VAV1: variants seen among roughly 807,000 people sequenced by gnomAD.
The protein encoded by VAV1 is vav guanine nucleotide exchange factor 1, also known as proto-oncogene vav.
VAV1 carries 33 observed loss-of-function variants against 128.1 expected under a neutral mutation model. That is an observed-to-expected ratio of 0.26 (90% CI 0.20 to 0.34). The LOEUF is 0.34. VAV1 is among the 10% of genes least tolerant of loss of function. The pLI, the probability that VAV1 is intolerant of heterozygous loss-of-function variation, is 1.00. For synonymous variants in VAV1, 394 were observed against 409.8 expected (o/e 0.96, Z 0.47); for missense variants, 715 against 1,093.7 (o/e 0.65, Z 4.88).
chr19:6,832,367 T>C (rs190173684), intron 15 of VAV1, among the ~76,000 whole-genome samples, 167 bp downstream of exon 15: 39 of 152,256 alleles, frequency 2.6e-4, no homozygotes, highest in Admixed American at 2.2e-3. Context: ...TCTTCATCCT[T>C]GGAATGCAGG....
intron 22 of VAV1, among the ~76,000 whole-genome samples, chr19:6,847,230 T>C (rs973971387): frequency 3.9e-5 from 6 of 152,074 alleles, no homozygotes; most frequent in Non-Finnish European, 8.8e-5. Context: ...TTGGTATATT[T>C]GCAATACTGC....
chr19:6,803,236 G>A (rs897995551), intron 1 of VAV1, among the ~76,000 whole-genome samples: 5 of 152,170 alleles, frequency 3.3e-5, no homozygotes, highest in Admixed American at 6.5e-5. Flanking sequence ...CTGTGAGCCC[G>A]GAGTAATCAG....
Position 6,821,629 on chromosome 19 carries a change from A to T in VAV1, c.329A>T (p.Tyr110Phe), listed in dbSNP as rs750986727. 1.9e-6 allele frequency: 3 copies of T among 1,614,086 alleles called. No homozygotes were observed. In the South Asian group the frequency reaches 3.3e-5, roughly 18 times the overall value. Reference sequence around the variant, plus strand: ...GCCACTGCCCCGTCACAGGTCATCTACACCCTGTCTGCTCTGTCCTGGACC... The same window carrying T: ...GCCACTGCCCCGTCACAGGTCATCTTCACCCTGTCTGCTCTGTCCTGGACC... ...FDVQDFGKVI[Y>F]TLSALSWTPI... The change falls in exon 3 of 27, where the codon TAC becomes TTC. Residue 110 changes from tyrosine (Y) to phenylalanine (F), a missense_variant. Physicochemically the swap from Tyr to Phe is conservative, Grantham distance 22 (BLOSUM62 3). Coordinates refer to ENST00000602142, the MANE Select transcript of VAV1 (RefSeq NM_005428.4).
chr19:6,851,926 A>T (rs889150263), intron 24 of VAV1, among the ~76,000 whole-genome samples: 11 of 152,104 alleles, frequency 7.2e-5, no homozygotes, highest in Admixed American at 2.0e-4. Flanking sequence ...ATTCTGAAAC[A>T]TATTCCCCCA....
In VAV1 at chr19:6,826,758, G is replaced by A. The variant is rs1385716600; in HGVS notation, c.927+47G>A. On this transcript the variant is annotated intron_variant, in intron 9 of 26. Transcript: ENST00000602142. The surrounding 1 kb of genome is among the most constrained non-coding windows in gnomAD (Gnocchi z 4.1). Reference sequence around the variant, plus strand: ...GGGGGCCTCTCCCGCTCCTCCCCAGGCCCTGGGGGCAGCAGGGAGGACACT... The same window carrying A: ...GGGGGCCTCTCCCGCTCCTCCCCAGACCCTGGGGGCAGCAGGGAGGACACT... 10 of 1,438,208 alleles carry A rather than the reference G, an allele frequency of 7.0e-6. No individual in the cohort carries two copies. The highest frequency in any genetic ancestry group is 8.5e-6 in the Non-Finnish European group (9 of 1,057,320). The allele number at this position is 1,438,208 out of a possible 1,614,324, so 89.1% of individuals were successfully genotyped here. A position where few individuals can be genotyped will look rare whatever the true frequency, so the allele number is the denominator to read the frequency against.
intron 1 of VAV1, among the ~76,000 whole-genome samples, chr19:6,819,279 GA>G (rs1349537921): frequency 6.6e-6 from 1 of 151,904 alleles, no homozygotes; most frequent in Non-Finnish European, 1.5e-5. Context: ...GCCTTTATAG[GA>G]ACATATGAAT....
intron 1 of VAV1, among the ~76,000 whole-genome samples, chr19:6,806,146 G>C (rs1289380826): frequency 6.6e-6 from 1 of 152,112 alleles, no homozygotes; most frequent in Non-Finnish European, 1.5e-5. Context: ...GAGTACAGTG[G>C]CACGATCTCG....
At chr19:6,776,077 T>TCCATCC (rs1970615090) in intron 1 of VAV1, among the ~76,000 whole-genome samples, 1 of 129,148 alleles carries the variant, frequency 7.7e-6, no homozygotes, top group African/African-American at 3.0e-5. Context: ...TCCATCCATT[T>TCCATCC]ATCCATCCAT....
chr19:6,812,410 T>A (rs1971533425), intron 1 of VAV1, among the ~76,000 whole-genome samples: 1 of 152,184 alleles, frequency 6.6e-6, no homozygotes, highest in South Asian at 2.1e-4. Flanking sequence ...ATCCCAGCAC[T>A]TTGGGAGGCC....
intron 1 of VAV1, among the ~76,000 whole-genome samples, chr19:6,805,027 C>T (rs969448709): frequency 2.6e-5 from 4 of 151,906 alleles, no homozygotes; most frequent in African/African-American, 7.2e-5. Context: ...CACCGCCCCC[C>T]GGCCCATACC....
At chr19:6,788,271 G>A (rs1442989616) in intron 1 of VAV1, among the ~76,000 whole-genome samples, 1 of 151,872 alleles carries the variant, frequency 6.6e-6, no homozygotes, top group African/African-American at 2.4e-5. Flanking sequence ...TGAGTTCGAT[G>A]GAAAATAGGG....
intron 26 of VAV1, among the ~76,000 whole-genome samples, chr19:6,854,500 G>A (rs1972747347): frequency 6.6e-6 from 1 of 151,968 alleles, no homozygotes; most frequent in African/African-American, 2.4e-5. Flanking sequence ...ATCTCTTGAG[G>A]CCACAAATTC....
At chr19:6,825,460 C>A in intron 8 of VAV1, 54 bp downstream of exon 8, 2 of 1,501,970 alleles carry the variant, frequency 1.3e-6, no homozygotes, top group Non-Finnish European at 1.8e-6. Flanking sequence ...CTTGCCTAGG[C>A]TGGGCATCTG....
At chr19:6,850,230 T>G (rs868371197) in intron 23 of VAV1, among the ~76,000 whole-genome samples, 10 of 130,802 alleles carry the variant, frequency 7.6e-5, no homozygotes, top group African/African-American at 3.0e-4. Flanking sequence ...TCTTTGTTTT[T>G]TTTTTTTTTT....
intron 1 of VAV1, among the ~76,000 whole-genome samples, chr19:6,806,932 C>T (rs1568295611): frequency 6.6e-6 from 1 of 152,232 alleles, no homozygotes; most frequent in Non-Finnish European, 1.5e-5. Context: ...TTTCTGCTCT[C>T]ATGGTGATCC....
intron 18 of VAV1, 71 bp downstream of exon 18, chr19:6,833,804 T>C: frequency 6.2e-7 from 1 of 1,613,616 alleles, no homozygotes. Context: ...ACCCAGGACA[T>C]CCTGGAACTG....
intron 21 of VAV1, among the ~76,000 whole-genome samples, chr19:6,839,623 G>A (rs1972322444): frequency 6.6e-6 from 1 of 152,064 alleles, no homozygotes; most frequent in African/African-American, 2.4e-5. Context: ...GGTAGAGGCG[G>A]TGATTCCTCA....
Position 6,850,369 on chromosome 19 carries a change from T to A in VAV1, c.2130-301T>A, listed in dbSNP as rs1972641513. ...TTCCTTTATATCCTATGGTTGTCTA[T>A]ATTGGTGGAAGGGGAGGTCTCTTCG... On this transcript the variant is annotated intron_variant, in intron 23 of 26. Transcript: ENST00000602142. Among the ~76,000 whole-genome samples, 3 of 149,846 alleles carry A rather than the reference T, an allele frequency of 2.0e-5. No homozygotes were observed. The Admixed American group carries it at 2.0e-4, about 10-fold the overall frequency.
intron 1 of VAV1, among the ~76,000 whole-genome samples, chr19:6,785,378 C>G (rs781742280): frequency 6.6e-6 from 1 of 152,124 alleles, no homozygotes; most frequent in African/African-American, 2.4e-5. Context: ...ATTGTCCAGG[C>G]TGGAGTGCAG....
Sources: allele counts gnomAD v4.1 joint callset (sites outside exome capture counted in the v4.1 genomes callset), GRCh38; gene constraint gnomAD v4.1.1; non-coding constraint Gnocchi (gnomAD v3.1); transcripts MANE v1.5; gene names NCBI Gene and HGNC (gene_info 2026-07-23, HGNC 2026-07-21).